The following SLC14A2 variants were observed in gnomAD, a reference collection of about 807,000 sequenced individuals.
SLC14A2 encodes the protein urea transporter 2.
SLC14A2 carries 91 observed loss-of-function variants against 104.6 expected under a neutral mutation model. That is an observed-to-expected ratio of 0.87 (90% CI 0.73 to 1.04). SLC14A2 has a LOEUF of 1.04. SLC14A2 is among the 50% of genes least tolerant of loss of function. SLC14A2 has a pLI of 0.00. For synonymous variants in SLC14A2, 476 were observed against 466.4 expected (o/e 1.02, Z -0.27); for missense variants, 1,189 against 1,156.0 (o/e 1.03, Z -0.41).
intron 2 of SLC14A2, among the ~76,000 whole-genome samples, chr18:45,594,203 A>C (rs769503299): frequency 1.2e-4 from 18 of 152,238 alleles, no homozygotes; most frequent in Non-Finnish European, 2.2e-4. Flanking sequence ...TATGGCACAC[A>C]CTAGTCACTG....
At chr18:45,203,910 C>T in the SLC14A2 span, among the ~76,000 whole-genome samples, 1 of 152,208 alleles carries the variant, frequency 6.6e-6, no homozygotes, top group African/African-American at 2.4e-5. Context: ...AATTCTCCAA[C>T]CAGCCTGTGT....
chr18:45,318,153 G>A (rs72906659), intron 1 of SLC14A2, among the ~76,000 whole-genome samples: 3,951 of 152,324 alleles, frequency 0.026, 67 homozygotes, highest in East Asian at 0.089. Flanking sequence ...CAGGCTTCCA[G>A]GAGTGGGAGG....
intron 1 of SLC14A2, among the ~76,000 whole-genome samples, chr18:45,323,728 C>T (rs998240420): frequency 2.6e-5 from 4 of 152,110 alleles, no homozygotes; most frequent in African/African-American, 9.7e-5. Flanking sequence ...GTGTGCCACC[C>T]GATTGAATTA....
At chr18:45,483,146 T>C (rs888834846) in intron 1 of SLC14A2, 1 of 152,196 alleles carries the variant, frequency 6.6e-6, no homozygotes, top group African/African-American at 2.4e-5. Context: ...TTGTTTATAA[T>C]TTTTAAAAGA....
intron 1 of SLC14A2, among the ~76,000 whole-genome samples, chr18:45,473,384 T>C (rs2087289914): frequency 6.6e-6 from 1 of 152,254 alleles, no homozygotes. Context: ...CCATGTGAAA[T>C]TTAAAGTAGT....
chr18:45,179,147 A>G, the SLC14A2 span, among the ~76,000 whole-genome samples: 1 of 152,180 alleles, frequency 6.6e-6, no homozygotes, highest in Non-Finnish European at 1.5e-5. Context: ...CTTCCCAGAC[A>G]CTGCCCATTC....
chr18:45,447,196 A>G (rs1363995037), intron 1 of SLC14A2: 1 of 152,232 alleles, frequency 6.6e-6, no homozygotes, highest in Non-Finnish European at 1.5e-5. Flanking sequence ...GCAAGGGCAC[A>G]CAAATTCTAG....
intron 1 of SLC14A2, among the ~76,000 whole-genome samples, chr18:45,621,594 C>G (rs567325287): frequency 3.3e-4 from 51 of 152,332 alleles, no homozygotes; most frequent in East Asian, 2.5e-3. Context: ...TCCTCCCCCC[C>G]ACCTCTTCCT....
intron 1 of SLC14A2, among the ~76,000 whole-genome samples, chr18:45,404,328 A>G (rs919703858): frequency 6.6e-6 from 1 of 152,210 alleles, no homozygotes; most frequent in East Asian, 1.9e-4. Flanking sequence ...TAGTAAGGCT[A>G]TATTTTTGAT....
chr18:45,632,564 CAT>C, intron 5 of SLC14A2, 86 bp downstream of exon 5: 1 of 1,456,756 alleles, frequency 6.9e-7, no homozygotes, highest in Non-Finnish European at 9.3e-7. Flanking sequence ...AGGACATACA[CAT>C]GTGGGACCCA....
the SLC14A2 span, among the ~76,000 whole-genome samples, chr18:45,180,200 A>T: frequency 6.6e-6 from 1 of 152,060 alleles, no homozygotes; most frequent in Non-Finnish European, 1.5e-5. Flanking sequence ...CTGGAGCCTG[A>T]TTGACTGCTG....
At chr18:45,592,122 G>A (rs562167795) in intron 2 of SLC14A2, among the ~76,000 whole-genome samples, 5 of 152,238 alleles carry the variant, frequency 3.3e-5, no homozygotes, top group African/African-American at 9.6e-5. Flanking sequence ...CTGGGGGAAA[G>A]GTTGCTTACC....
At position 45,638,692 on chromosome 18, in the gene SLC14A2, A is replaced by T. The variant is rs143687736; in HGVS notation, c.844-1054A>T. Among the ~76,000 whole-genome samples the T allele has an allele frequency of 1.2e-4, 19 of 152,324 alleles. 1 individual carries two copies. Among genetic ancestry groups the T allele is most frequent in the African/African-American group, 4.6e-4 (19 of 41,578 alleles). Reference sequence around the variant, plus strand: ...ATCAATTCCTATTTGTTAAGCACCTATGGTGTACCTGGGCATAAAGGGCCC... The same window carrying T: ...ATCAATTCCTATTTGTTAAGCACCTTTGGTGTACCTGGGCATAAAGGGCCC... On this transcript the variant is annotated intron_variant, in intron 6 of 19. Transcript: ENST00000255226.
chr18:45,542,035 GTTTTTTTTTTTTTTTT>G (rs60977948), intron 2 of SLC14A2, among the ~76,000 whole-genome samples: 43 of 54,236 alleles, frequency 7.9e-4, no homozygotes, highest in Non-Finnish European at 1.1e-3. Flanking sequence ...AAGAGAGAGG[GTTTTTTTTTTTTTTTT>G]TTTTTTTTTT....
chr18:45,391,839 T>C (rs1382401271), intron 1 of SLC14A2, among the ~76,000 whole-genome samples: 2 of 152,266 alleles, frequency 1.3e-5, no homozygotes, highest in African/African-American at 4.8e-5. Flanking sequence ...GTTTGTCAGA[T>C]GAGTAGATTG....
At position 45,490,327 on chromosome 18, in the gene SLC14A2, A is replaced by G. The variant is rs555163344; in HGVS notation, c.-35+7005A>G. Among the ~76,000 whole-genome samples, 6 of 152,292 alleles carry G rather than the reference A, an allele frequency of 3.9e-5. No homozygotes were observed. In the South Asian group the frequency reaches 1.2e-3, roughly 32 times the overall value. On this transcript the variant is annotated intron_variant, in intron 2 of 20. Coordinates refer to the SLC14A2 transcript ENST00000586448. The stretch of plus-strand genomic sequence containing the variant: ...AGGCATTTTGGAAAACTGGTACATG[A>G]TGGGGTGATTACAACTAAGTGGGGA...
chr18:45,458,580 T>G (rs888822489), intron 1 of SLC14A2, among the ~76,000 whole-genome samples: 1 of 152,350 alleles, frequency 6.6e-6, no homozygotes, highest in Middle Eastern at 3.4e-3. Flanking sequence ...GCATTTGATT[T>G]TATAAATGCC....
intron 2 of SLC14A2, among the ~76,000 whole-genome samples, chr18:45,498,699 T>A (rs1213566999): frequency 6.6e-5 from 10 of 152,092 alleles, no homozygotes; most frequent in Admixed American, 6.5e-4. Flanking sequence ...AGCTGGTCTC[T>A]CCCTTTCAAT....
At chr18:45,302,923 T>C (rs998421704) in intron 1 of SLC14A2, among the ~76,000 whole-genome samples, 6 of 152,122 alleles carry the variant, frequency 3.9e-5, no homozygotes, top group Non-Finnish European at 8.8e-5. Flanking sequence ...TAGCAGGCAG[T>C]GCTGGGTAAC....
Sources: allele counts gnomAD v4.1 joint callset (sites outside exome capture counted in the v4.1 genomes callset), GRCh38; gene constraint gnomAD v4.1.1; transcripts MANE v1.5; gene names NCBI Gene and HGNC (gene_info 2026-07-23, HGNC 2026-07-21).